The following DAB1 variants were observed in gnomAD, a reference collection of about 807,000 sequenced individuals.
DAB1 encodes disabled homolog 1.
DAB1 carries 15 observed loss-of-function variants against 64.6 expected under a neutral mutation model. The observed-to-expected ratio is 0.23, with a 90% CI of 0.16 to 0.36. The LOEUF is 0.36. Ranked by LOEUF, DAB1 falls within the 10% of genes least tolerant of loss-of-function variation. The pLI is 1.00. For missense variants in DAB1, 596 were observed against 706.7 expected, an observed-to-expected ratio of 0.84 and a Z score of 1.78; for synonymous variants, 235 against 251.9, an observed-to-expected ratio of 0.93 and a Z score of 0.64.
chr1:57,988,442 A>G (rs1172921057), intron 5 of DAB1, among the ~76,000 whole-genome samples: 1 of 152,212 alleles, frequency 6.6e-6, no homozygotes, highest in Non-Finnish European at 1.5e-5. Context: ...AAGGTTTCAA[A>G]TGACCATTTA....
chr1:58,289,069 G>A, intron 4 of DAB1, among the ~76,000 whole-genome samples: 1 of 152,116 alleles, frequency 6.6e-6, no homozygotes, highest in Non-Finnish European at 1.5e-5. Context: ...CTTTGTGTAG[G>A]CTGTCTCTAG....
rs567999535 is a variant in DAB1 at position 57,062,340 on chromosome 1, TC to T, written c.723+543del. On this transcript the variant is annotated intron_variant, in intron 9 of 14. Coordinates refer to ENST00000371236, the MANE Select transcript of DAB1 (RefSeq NM_001365792.1). ...AGGCCCTGGCCAGCCTCTCCTACTG[TC>T]CCTTTGAAACTTCTCAACCACTTTC... is the stretch of plus-strand genomic sequence containing the variant. Among the ~76,000 whole-genome samples the T allele has an allele frequency of 4.5e-4, 68 of 152,256 alleles. 1 individual carries two copies. The South Asian group carries it at 0.013, about 30-fold the overall frequency.
chr1:58,255,507 T>C (rs545022), intron 4 of DAB1, among the ~76,000 whole-genome samples: 2,700 of 152,170 alleles, frequency 0.018, 77 homozygotes, highest in African/African-American at 0.062. Flanking sequence ...GGAGGGGTCA[T>C]GGCCACCAAC....
intron 7 of DAB1, among the ~76,000 whole-genome samples, chr1:57,441,555 T>C (rs905371357): frequency 6.6e-6 from 1 of 151,980 alleles, no homozygotes; most frequent in African/African-American, 2.4e-5. Context: ...GGCTTTTCCA[T>C]GTTGTCCAGG....
chr1:58,160,558 C>T (rs568558566), intron 4 of DAB1, among the ~76,000 whole-genome samples: 101 of 152,246 alleles, frequency 6.6e-4, no homozygotes, highest in Middle Eastern at 3.4e-3. Context: ...CAGATACACA[C>T]GGGCTGGGCC....
At chr1:57,805,544 G>A (rs1651321471) in intron 6 of DAB1, among the ~76,000 whole-genome samples, 1 of 152,162 alleles carries the variant, frequency 6.6e-6, no homozygotes, top group Non-Finnish European at 1.5e-5. Flanking sequence ...GTAACTTACT[G>A]TTATAGATAC....
At chr1:57,071,124 T>A (rs1354163319) in intron 6 of DAB1, 63 bp from the exon 7 acceptor site, 6 of 1,452,386 alleles carry the variant, frequency 4.1e-6, no homozygotes, top group Non-Finnish European at 4.8e-6. Flanking sequence ...GATGTGAGAC[T>A]GCATTCAGAA....
At chr1:58,028,348 T>C (rs6587795) in intron 5 of DAB1, among the ~76,000 whole-genome samples, 62,156 of 152,076 alleles carry the variant, frequency 0.41, 12,981 homozygotes, top group Non-Finnish European at 0.45. Context: ...TTCATTAACA[T>C]TGAACTCATA....
chr1:57,789,810 C>T (rs1290042826), intron 6 of DAB1, among the ~76,000 whole-genome samples: 1 of 152,166 alleles, frequency 6.6e-6, no homozygotes, highest in Non-Finnish European at 1.5e-5. Context: ...GTTCAGAAGT[C>T]ACAGAAGTCA....
chr1:57,628,662 G>C (rs1044922012), intron 7 of DAB1, among the ~76,000 whole-genome samples: 2 of 152,014 alleles, frequency 1.3e-5, no homozygotes, highest in African/African-American at 4.8e-5. Context: ...TATGACCTTT[G>C]TACCAGTCAT....
chr1:57,641,373 T>A (rs1434627514), intron 7 of DAB1, among the ~76,000 whole-genome samples: 1 of 131,494 alleles, frequency 7.6e-6, no homozygotes, highest in African/African-American at 2.9e-5. Context: ...CCTCTTTTTT[T>A]TGTTGGTTTT....
intron 1 of DAB1, among the ~76,000 whole-genome samples, chr1:57,299,375 T>G (rs1279938111): frequency 6.6e-6 from 1 of 152,240 alleles, no homozygotes; most frequent in Admixed American, 6.5e-5. Flanking sequence ...GCATTCTTGT[T>G]ATTCAGACAT....
chr1:57,492,376 C>T lies in DAB1; in HGVS notation n.625+157216G>A, dbSNP rs17115882. Among the ~76,000 whole-genome samples the T allele has an allele frequency of 8.0e-3, 1,212 of 152,204 alleles. 47 individuals are homozygous for T. The East Asian group carries it at 0.14, about 18-fold the overall frequency. ...TTTTTCTTAAAAATGGGGATAATAA[C>T]GTCAGGATTTGGGGTGGTGCTCTAA... On this transcript the variant is annotated intron_variant and non_coding_transcript_variant, in intron 7 of 20. Transcript: ENST00000485760.
chr1:57,742,005 G>A (rs111893358), intron 6 of DAB1, among the ~76,000 whole-genome samples: 6 of 152,274 alleles, frequency 3.9e-5, no homozygotes, highest in African/African-American at 1.4e-4. Flanking sequence ...AGGCCCATGG[G>A]GGTGGAGGTT....
At chr1:58,434,772 T>C (rs529656310) in intron 3 of DAB1, among the ~76,000 whole-genome samples, 157 of 152,330 alleles carry the variant, frequency 1.0e-3, no homozygotes, top group African/African-American at 3.5e-3. Context: ...GAGTCACATT[T>C]AGAAAATTAA....
intron 6 of DAB1, among the ~76,000 whole-genome samples, chr1:57,818,703 G>C (rs1651981175): frequency 6.6e-6 from 1 of 150,980 alleles, no homozygotes; most frequent in Non-Finnish European, 1.5e-5. Context: ...ATGTGATGTA[G>C]CTTAAACTTG....
rs1014115548 is a variant in DAB1 at position 57,154,219 on chromosome 1, C to A, written c.68-8790G>T. 6.6e-5 allele frequency among the ~76,000 whole-genome samples: 10 copies of A among 152,154 alleles called. No homozygotes were observed. In the East Asian group the frequency reaches 1.7e-3, roughly 26 times the overall value. On this transcript the variant is annotated intron_variant, in intron 2 of 14. Coordinates refer to ENST00000371236, the MANE Select transcript of DAB1 (RefSeq NM_001365792.1). ...CCCTTCCCAGCCTCTAGTAACCATCCTTTTACTCTCCAGCTCTATGAATTC... is the reference window on the plus strand; with the variant it reads ...CCCTTCCCAGCCTCTAGTAACCATCATTTTACTCTCCAGCTCTATGAATTC...
intron 6 of DAB1, among the ~76,000 whole-genome samples, chr1:57,675,938 G>A (rs184157100): frequency 1.3e-3 from 198 of 152,290 alleles, no homozygotes; most frequent in Admixed American, 0.011. Context: ...GGGACAGACA[G>A]CTAAGCCAGT....
At chr1:57,576,153 CATA>C (rs1409025086) in intron 7 of DAB1, among the ~76,000 whole-genome samples, 4 of 151,774 alleles carry the variant, frequency 2.6e-5, no homozygotes, top group African/African-American at 9.7e-5. Flanking sequence ...ATTTTTTAAT[CATA>C]ATATTTTTAG....
Sources: gnomAD v4.1 joint callset for allele counts (sites outside exome capture counted in the v4.1 genomes callset) on GRCh38, gnomAD v4.1.1 for gene constraint, MANE v1.5 for transcripts, NCBI Gene and HGNC (gene_info 2026-07-23, HGNC 2026-07-21) for gene names.